Variants in PLB1 observed in about 807,000 individuals in gnomAD.
The protein encoded by PLB1 is phospholipase B1.
Under a neutral mutation model 227.4 loss-of-function variants are expected in PLB1, and 242 were observed. The ratio of observed to expected loss-of-function variants is 1.06; its 90% CI spans 0.96 to 1.18. The LOEUF is 1.18. PLB1 is among the 50% of genes most tolerant of loss of function. The pLI is 0.00. For synonymous variants in PLB1, 757 were observed against 682.2 expected (o/e 1.11, Z -1.71); for missense variants, 1,858 against 1,816.3 (o/e 1.02, Z -0.42).
intron 26 of PLB1, among the ~76,000 whole-genome samples, chr2:28,587,607 CA>C (rs139579194): frequency 0.33 from 47,503 of 141,988 alleles, 8,363 homozygotes; most frequent in African/African-American, 0.49. Flanking sequence ...GAGACTGTCT[CA>C]AAAAAAAAAA....
rs762364203 is a variant in PLB1 at position 28,632,102 on chromosome 2, C to T, written c.3964C>T (p.Gln1322Ter). The change falls in exon 55 of 58, where the codon CAG (glutamine) becomes TAG (stop). Residue 1322 changes from glutamine to a stop codon, truncating the protein, a stop_gained. Transcript: ENST00000327757. LOFTEE classifies it high-confidence loss of function. ...GCGTGAGGACTTTGCGGTTGTGGTG[C>T]AGCCTTTCTTCCAAAACACACTCAC... ...TQREDFAVVV[Q>*]PFFQNTLTPL... is the part of the protein sequence containing the mutation. 2 of 1,614,044 alleles carry T rather than the reference C, an allele frequency of 1.2e-6. No homozygotes were observed. The highest frequency in any genetic ancestry group is 1.7e-6 in the Non-Finnish European group (2 of 1,180,012).
chr2:28,640,829 C>T lies in PLB1; in HGVS notation c.4099-98C>T, dbSNP rs372492680. 1.6e-4 allele frequency: 199 copies of T among 1,273,694 alleles called. 1 individual carries two copies. In the South Asian group the frequency reaches 2.3e-3, roughly 14 times the overall value. 78.9% of individuals were successfully genotyped at this position (1,273,694 alleles called of 1,614,324 possible). A position where few individuals can be genotyped will look rare whatever the true frequency, so the allele number is the denominator to read the frequency against. On this transcript the variant is annotated intron_variant, in intron 56 of 57. Transcript: ENST00000327757. ...CTTCGCTGGTTTCTATCCCCCACCC[C>T]GTTCCCGAGGGAGGGGCTCTGGTGT... is the stretch of plus-strand genomic sequence containing the variant.
intron 14 of PLB1, among the ~76,000 whole-genome samples, chr2:28,545,512 C>T (rs1482865555): frequency 1.3e-5 from 2 of 152,120 alleles, no homozygotes; most frequent in Admixed American, 6.5e-5. Context: ...CCAGAAAACC[C>T]GGGCTCTGAT....
chr2:28,632,839 A>G (rs1688821530), intron 55 of PLB1, 105 bp from the exon 56 acceptor site: 4 of 744,690 alleles, frequency 5.4e-6, no homozygotes. Flanking sequence ...AGGAAAGTTG[A>G]AAGAATGAAA....
At chr2:28,571,069 A>G (rs1348605343) in intron 20 of PLB1, among the ~76,000 whole-genome samples, 2 of 152,248 alleles carry the variant, frequency 1.3e-5, no homozygotes, top group Non-Finnish European at 2.9e-5. Flanking sequence ...ATGAGATGAT[A>G]TTATATAGAG....
intron 55 of PLB1, among the ~76,000 whole-genome samples, chr2:28,632,429 C>G (rs751942178): frequency 2.6e-5 from 4 of 152,074 alleles, no homozygotes; most frequent in Non-Finnish European, 5.9e-5. Flanking sequence ...CTCTTTTCAA[C>G]TCTTAGGATA....
intron 20 of PLB1, among the ~76,000 whole-genome samples, chr2:28,569,670 A>C (rs1677659281): frequency 1.3e-5 from 2 of 152,212 alleles, no homozygotes; most frequent in South Asian, 2.1e-4. Context: ...ATCCATAAAA[A>C]GTAGAAAATC....
intron 25 of PLB1, 62 bp from the exon 26 acceptor site, chr2:28,585,699 C>A: frequency 7.6e-7 from 1 of 1,319,396 alleles, no homozygotes; most frequent in Non-Finnish European, 1.1e-6. Flanking sequence ...AGCGTTTCTG[C>A]ATCACTTATT....
rs373688377 is a variant in PLB1, at chr2:28,591,189, C to T, written c.2127+18C>T. ...GCATGCAGGTACCTGCCTCTTGCCT[C>T]CTCTTGACTCACCAGGCAATGCAAT... On this transcript the variant is annotated intron_variant, in intron 30 of 57. Transcript: ENST00000327757. 14 of 1,613,942 alleles carry T rather than the reference C, an allele frequency of 8.7e-6. No homozygotes were observed. The highest frequency in any genetic ancestry group is 3.3e-4 in the Middle Eastern group (2 of 6,082).
chr2:28,581,671 A>C (rs1209130635), intron 23 of PLB1, among the ~76,000 whole-genome samples: 2 of 152,122 alleles, frequency 1.3e-5, no homozygotes, highest in Non-Finnish European at 2.9e-5. Context: ...CTGAATACAG[A>C]AAGAAGGGGA....
intron 21 of PLB1, among the ~76,000 whole-genome samples, chr2:28,577,122 C>T (rs923402675): frequency 6.6e-6 from 1 of 152,166 alleles, no homozygotes; most frequent in Non-Finnish European, 1.5e-5. Flanking sequence ...TGTTACCATG[C>T]TCATTTCCCA....
intron 17 of PLB1, 129 bp downstream of exon 17, chr2:28,553,120 A>G (rs1674510576): frequency 1.3e-6 from 1 of 745,306 alleles, no homozygotes; most frequent in Non-Finnish European, 2.3e-6. Flanking sequence ...CTCTGTATGT[A>G]TATTTGTAAA....
At chr2:28,600,313 A>G (rs1683663889) in intron 35 of PLB1, among the ~76,000 whole-genome samples, 1 of 152,218 alleles carries the variant, frequency 6.6e-6, no homozygotes, top group African/African-American at 2.4e-5. Context: ...GAATATACGT[A>G]AGAGAAAAAT....
intron 3 of PLB1, among the ~76,000 whole-genome samples, 197 bp from the exon 4 acceptor site, chr2:28,519,508 G>T (rs1397177846): frequency 6.6e-6 from 1 of 152,178 alleles, no homozygotes; most frequent in Non-Finnish European, 1.5e-5. Flanking sequence ...GAGGGGAGCG[G>T]GTGTCTTTCT....
At chr2:28,620,855 T>TCTCCTC (rs746224994) in intron 48 of PLB1, 24 bp from the exon 49 acceptor site, 7 of 1,595,594 alleles carry the variant, frequency 4.4e-6, no homozygotes, top group Non-Finnish European at 5.2e-6. Context: ...CCTGTGCTCT[T>TCTCCTC]CTCCTCCTCC....
intron 1 of PLB1, among the ~76,000 whole-genome samples, chr2:28,504,839 T>A (rs1160378531): frequency 2.0e-5 from 3 of 152,364 alleles, no homozygotes; most frequent in Middle Eastern, 3.4e-3. Flanking sequence ...CTGTTTCTTT[T>A]GTTCTCCTGC....
chr2:28,632,906 C>A (rs200949172), intron 55 of PLB1, 38 bp from the exon 56 acceptor site: 26 of 1,530,874 alleles, frequency 1.7e-5, no homozygotes, highest in Non-Finnish European at 2.3e-5. Flanking sequence ...TAGCAGAGCC[C>A]TTTCCCAGGA....
chr2:28,624,350 G>A (rs1000607650), intron 49 of PLB1, among the ~76,000 whole-genome samples: 6 of 152,166 alleles, frequency 3.9e-5, no homozygotes, highest in African/African-American at 1.4e-4. Context: ...TTAGCAAAAT[G>A]ATTTTGCGAT....
At chr2:28,536,824 G>A (rs549168539) in intron 9 of PLB1, among the ~76,000 whole-genome samples, 4 of 152,272 alleles carry the variant, frequency 2.6e-5, no homozygotes, top group South Asian at 4.1e-4. Context: ...TGTCCCGAGC[G>A]ACAACCATGC....
Sources: gnomAD v4.1 joint callset for allele counts (sites outside exome capture counted in the v4.1 genomes callset) on GRCh38, gnomAD v4.1.1 for gene constraint, MANE v1.5 for transcripts, NCBI Gene and HGNC (gene_info 2026-07-23, HGNC 2026-07-21) for gene names.